Variants in CHL1 observed in about 807,000 individuals in gnomAD.
CHL1 encodes neural cell adhesion molecule L1-like protein.
A neutral mutation model predicts 141.9 loss-of-function variants in CHL1; 96 were observed. The observed-to-expected ratio is 0.68, with a 90% CI of 0.57 to 0.80. The LOEUF (loss-of-function observed/expected upper bound fraction) is 0.80. Ranked by LOEUF, CHL1 falls within the 30% of genes least tolerant of loss-of-function variation. The probability of loss-of-function intolerance (pLI) is 0.00; values close to 1 mark genes in which losing one functional copy is unlikely to be tolerated. For synonymous variants in CHL1, 613 were observed against 502.2 expected (o/e 1.22, Z -2.95); for missense variants, 1,820 against 1,457.2 (o/e 1.25, Z -4.05).
At chr3:287,492 G>A (rs1287307383) in intron 2 of CHL1, among the ~76,000 whole-genome samples, 1 of 152,118 alleles carries the variant, frequency 6.6e-6, no homozygotes, top group African/African-American at 2.4e-5. Context: ...TTACAGTAGA[G>A]GTGCTTTGGG....
chr3:268,256 A>G (rs1695325430), intron 2 of CHL1, among the ~76,000 whole-genome samples: 1 of 152,194 alleles, frequency 6.6e-6, no homozygotes, highest in Non-Finnish European at 1.5e-5. Context: ...TGACTAGGCC[A>G]GGCACAGTGG....
intron 2 of CHL1, among the ~76,000 whole-genome samples, chr3:302,251 G>A (rs781141762): frequency 3.9e-5 from 6 of 152,156 alleles, no homozygotes; most frequent in Non-Finnish European, 5.9e-5. Flanking sequence ...AATTCTTTGG[G>A]TATATGCCCA....
intron 1 of CHL1, among the ~76,000 whole-genome samples, chr3:235,736 T>C (rs1391900513): frequency 6.6e-6 from 1 of 152,238 alleles, no homozygotes; most frequent in Non-Finnish European, 1.5e-5. Flanking sequence ...TGGGTCCTAT[T>C]TGAGATCTAA....
intron 2 of CHL1, among the ~76,000 whole-genome samples, chr3:286,470 G>T (rs1486339953): frequency 6.6e-6 from 1 of 151,958 alleles, no homozygotes; most frequent in Non-Finnish European, 1.5e-5. Flanking sequence ...AATTAGCCAG[G>T]CATGGTGACG....
At chr3:253,150 A>G (rs971223094) in intron 2 of CHL1, among the ~76,000 whole-genome samples, 3 of 152,120 alleles carry the variant, frequency 2.0e-5, no homozygotes, top group African/African-American at 7.2e-5. Context: ...TTTATTTTTA[A>G]TAGACACATT....
intron 2 of CHL1, among the ~76,000 whole-genome samples, chr3:277,116 A>T (rs1046462816): frequency 3.3e-5 from 5 of 152,174 alleles, no homozygotes; most frequent in African/African-American, 1.2e-4. Flanking sequence ...TGCCTGATAC[A>T]CAATATGTGT....
chr3:293,948 A>G (rs1697948356), intron 2 of CHL1, among the ~76,000 whole-genome samples: 1 of 151,588 alleles, frequency 6.6e-6, no homozygotes, highest in Non-Finnish European at 1.5e-5. Flanking sequence ...TTTTTTGTAG[A>G]GACAGGCTTC....
At chr3:268,016 G>A (rs1368998545) in intron 2 of CHL1, among the ~76,000 whole-genome samples, 1 of 152,060 alleles carries the variant, frequency 6.6e-6, no homozygotes, top group Non-Finnish European at 1.5e-5. Flanking sequence ...TTTCACAGCT[G>A]CTAATTTATT....
chr3:197,603 C>T (rs1698450000), intron 1 of CHL1: 1 of 359,716 alleles, frequency 2.8e-6, no homozygotes, highest in Non-Finnish European at 5.5e-6. Flanking sequence ...GGCTCCTCCT[C>T]TCAGGAGAGG....
At chr3:275,594 G>T (rs1475492375) in intron 2 of CHL1, among the ~76,000 whole-genome samples, 1 of 152,188 alleles carries the variant, frequency 6.6e-6, no homozygotes, top group Non-Finnish European at 1.5e-5. Flanking sequence ...AAAGCTAGCA[G>T]ATGGTTTTCA....
chr3:254,874 C>T (rs1199138373), intron 2 of CHL1, among the ~76,000 whole-genome samples: 1 of 152,124 alleles, frequency 6.6e-6, no homozygotes, highest in Non-Finnish European at 1.5e-5. Flanking sequence ...AAAGGCCCAC[C>T]AGTTAATACT....
intron 15 of CHL1, among the ~76,000 whole-genome samples, chr3:367,242 G>A (rs146101828): frequency 4.6e-5 from 7 of 152,258 alleles, no homozygotes; most frequent in Admixed American, 3.3e-4. Context: ...AACCATCTTG[G>A]AGCCAAATCT....
chr3:298,786 T>C (rs1559218102), intron 2 of CHL1, among the ~76,000 whole-genome samples: 2 of 152,188 alleles, frequency 1.3e-5, no homozygotes, highest in Non-Finnish European at 2.9e-5. Context: ...AATACCTTCT[T>C]GGTGATATGG....
At chr3:275,729 A>G (rs751819686) in intron 2 of CHL1, among the ~76,000 whole-genome samples, 11 of 152,224 alleles carry the variant, frequency 7.2e-5, no homozygotes, top group Non-Finnish European at 1.0e-4. Flanking sequence ...TTATTGTTCT[A>G]TAATGAGAAA....
At chr3:265,565 G>C (rs559464549) in intron 2 of CHL1, among the ~76,000 whole-genome samples, 17 of 152,256 alleles carry the variant, frequency 1.1e-4, no homozygotes, top group African/African-American at 3.6e-4. Flanking sequence ...ATCTGATTCT[G>C]CAGTTCCAAT....
At chr3:391,865 T>C in intron 23 of CHL1, 68 bp downstream of exon 23, 1 of 1,270,340 alleles carries the variant, frequency 7.9e-7, no homozygotes, top group Non-Finnish European at 1.1e-6. Flanking sequence ...TTCTCTGTGC[T>C]ATGTTGGGAG....
intron 22 of CHL1, 132 bp downstream of exon 22, chr3:391,291 G>A: frequency 1.4e-6 from 1 of 696,114 alleles, no homozygotes; most frequent in Admixed American, 2.7e-5. Context: ...CAAGGCAGAT[G>A]GATCACTTGA....
intron 12 of CHL1, among the ~76,000 whole-genome samples, chr3:361,464 C>T (rs940823805): frequency 1.3e-5 from 2 of 151,118 alleles, no homozygotes; most frequent in South Asian, 2.1e-4. Context: ...ATTTTTGCAA[C>T]CTACTCATCT....
chr3:229,519 GT>G (rs1472907805), intron 1 of CHL1, among the ~76,000 whole-genome samples: 2 of 152,202 alleles, frequency 1.3e-5, no homozygotes, highest in East Asian at 3.8e-4. Context: ...TCAAAGAAGT[GT>G]TGGCTAAGCA....
Sources: gnomAD v4.1 joint callset for allele counts (sites outside exome capture counted in the v4.1 genomes callset) on GRCh38, gnomAD v4.1.1 for gene constraint, MANE v1.5 for transcripts, NCBI Gene and HGNC (gene_info 2026-07-23, HGNC 2026-07-21) for gene names.